The following DCAF8L2 variants were observed in gnomAD, a reference collection of about 807,000 sequenced individuals.
The protein encoded by DCAF8L2 is DDB1- and CUL4-associated factor 8-like protein 2.
For missense variants in DCAF8L2, 430 were observed against 490.7 expected (o/e 0.88, Z 1.17); for synonymous variants, 200 against 190.9 (o/e 1.05, Z -0.39).
chrX:27,640,631 A>G (rs1309404419), intron 2 of DCAF8L2, among the ~76,000 whole-genome samples: 2 of 111,835 alleles, frequency 1.8e-5, no homozygotes, highest in Non-Finnish European at 3.8e-5. Flanking sequence ...TGGCAAGTGT[A>G]TGTTTAACTT....
chrX:27,576,931 C>T, the DCAF8L2 span, among the ~76,000 whole-genome samples: 3 of 111,613 alleles, frequency 2.7e-5, no homozygotes, highest in Non-Finnish European at 5.6e-5. Context: ...TGACAAATGA[C>T]ATTGTGACAT....
At chrX:27,740,525 G>A (rs946243966) in intron 4 of DCAF8L2, among the ~76,000 whole-genome samples, 1 of 110,574 alleles carries the variant, frequency 9.0e-6, no homozygotes, top group Non-Finnish European at 1.9e-5. Flanking sequence ...CCTTATAATG[G>A]TCAACAAGGT....
intron 4 of DCAF8L2, among the ~76,000 whole-genome samples, chrX:27,738,977 G>A (rs1012934843): frequency 1.8e-5 from 2 of 110,735 alleles, no homozygotes; most frequent in African/African-American, 6.6e-5. Flanking sequence ...CCACCTGTGC[G>A]TTGAATCCTG....
the DCAF8L2 span, among the ~76,000 whole-genome samples, chrX:27,576,077 A>G: frequency 8.9e-6 from 1 of 112,504 alleles, no homozygotes; most frequent in Admixed American, 9.4e-5. Context: ...AATGCACCTA[A>G]TACATCTTCA....
chrX:27,528,022 T>TATTAAATTAAATTTTTAATTTA, the DCAF8L2 span, among the ~76,000 whole-genome samples: 2 of 42,758 alleles, frequency 4.7e-5, no homozygotes, highest in African/African-American at 1.0e-4. Context: ...TTTAATTAAT[T>TATTAAATTAAATTTTTAATTTA]ATTAAATTAA....
rs1236353497 is a variant in DCAF8L2, at chrX:27,696,332, A to AAGAG, written c.-143+18421_-143+18422insGAGA. Among the ~76,000 whole-genome samples, 35 of 31,686 alleles carry AAGAG rather than the reference A, an allele frequency of 1.1e-3. 1 individual carries two copies. Among genetic ancestry groups the AAGAG allele is most frequent in the South Asian group, 6.6e-3 (9 of 1,355 alleles). 27.5% of individuals were successfully genotyped at this position (31,686 alleles called of 115,157 possible). ...AAAGAAAGAAAGAAAGAAAGAAAGA[A>AAGAG]AAAGAAAGAAAGAGAAAGAAAATTG... On this transcript the variant is annotated intron_variant, in intron 3 of 4. Transcript: ENST00000451261.
chrX:27,732,861 T>TA (rs980802730), intron 4 of DCAF8L2, among the ~76,000 whole-genome samples: 2 of 110,709 alleles, frequency 1.8e-5, no homozygotes, highest in African/African-American at 3.3e-5. Context: ...TCCCTTTTTT[T>TA]AAAAAAAATT....
At chrX:27,576,107 G>C in the DCAF8L2 span, among the ~76,000 whole-genome samples, 3 of 112,438 alleles carry the variant, frequency 2.7e-5, no homozygotes, top group African/African-American at 9.7e-5. Flanking sequence ...CAAAGTATGT[G>C]TAGTAATTTG....
the DCAF8L2 span, among the ~76,000 whole-genome samples, chrX:27,538,489 GT>G: frequency 9.0e-6 from 1 of 110,533 alleles, no homozygotes; most frequent in Non-Finnish European, 1.9e-5. Flanking sequence ...CGCCTCCCAG[GT>G]TCAAGTGATT....
At chrX:27,527,265 G>C in the DCAF8L2 span, among the ~76,000 whole-genome samples, 3 of 111,908 alleles carry the variant, frequency 2.7e-5, no homozygotes, top group South Asian at 3.7e-4. Context: ...CTTGCAGTTC[G>C]ATCTCAGACT....
chrX:27,475,123 A>G, the DCAF8L2 span, among the ~76,000 whole-genome samples: 3 of 111,351 alleles, frequency 2.7e-5, no homozygotes, highest in Non-Finnish European at 5.6e-5. Flanking sequence ...GATTTCACTT[A>G]TAGCTTGGGG....
intron 2 of DCAF8L2, among the ~76,000 whole-genome samples, chrX:27,638,151 G>A (rs1928574491): frequency 8.9e-6 from 1 of 111,985 alleles, no homozygotes; most frequent in Non-Finnish European, 1.9e-5. Flanking sequence ...TTGAGCCAAA[G>A]TTGCTCACTA....
intron 2 of DCAF8L2, among the ~76,000 whole-genome samples, chrX:27,642,540 ACT>A (rs765463340): frequency 9.1e-6 from 1 of 110,194 alleles, no homozygotes; most frequent in African/African-American, 3.3e-5. Flanking sequence ...GGGAGATGGG[ACT>A]CTGCAGATCC....
At chrX:27,499,844 G>T in the DCAF8L2 span, among the ~76,000 whole-genome samples, 9 of 109,822 alleles carry the variant, frequency 8.2e-5, no homozygotes, top group Non-Finnish European at 1.9e-5. Flanking sequence ...GGTGGGGGGG[G>T]GTACAGGGCC....
At chrX:27,629,870 A>G (rs1421739512) in intron 1 of DCAF8L2, among the ~76,000 whole-genome samples, 1 of 111,692 alleles carries the variant, frequency 9.0e-6, no homozygotes, top group Non-Finnish European at 1.9e-5. Flanking sequence ...TTTTGACAGG[A>G]ATAGCAATGA....
At chrX:27,689,397 A>C (rs1459966517) in intron 3 of DCAF8L2, among the ~76,000 whole-genome samples, 1 of 111,709 alleles carries the variant, frequency 9.0e-6, no homozygotes, top group Non-Finnish European at 1.9e-5. Context: ...GGTGCACACC[A>C]CCACACCCAG....
chrX:27,638,232 A>G (rs1928576814), intron 2 of DCAF8L2, among the ~76,000 whole-genome samples: 1 of 111,927 alleles, frequency 8.9e-6, no homozygotes, highest in South Asian at 3.7e-4. Context: ...GGCTAGGAAG[A>G]GCCTGTGAAA....
At chrX:27,527,092 C>T in the DCAF8L2 span, among the ~76,000 whole-genome samples, 2 of 112,311 alleles carry the variant, frequency 1.8e-5, no homozygotes, top group African/African-American at 6.5e-5. Context: ...GTTTCTGCTG[C>T]CTTTTGTTCA....
At chrX:27,682,715 T>C (rs2147242558) in intron 3 of DCAF8L2, among the ~76,000 whole-genome samples, 1 of 110,943 alleles carries the variant, frequency 9.0e-6, no homozygotes, top group African/African-American at 3.3e-5. Flanking sequence ...TTTTTATATG[T>C]TGTTTAAGCT....
Sources: gnomAD v4.1 joint callset for allele counts (sites outside exome capture counted in the v4.1 genomes callset) on GRCh38, gnomAD v4.1.1 for gene constraint, MANE v1.5 for transcripts, NCBI Gene and HGNC (gene_info 2026-07-23, HGNC 2026-07-21) for gene names.